SNTG2: variants seen among roughly 807,000 people sequenced by gnomAD.
The protein encoded by SNTG2 is gamma-2-syntrophin.
Under a neutral mutation model 70.9 loss-of-function variants are expected in SNTG2, and 74 were observed. The observed-to-expected ratio is 1.04, with a 90% CI of 0.86 to 1.27. The LOEUF is 1.27. Ranked by LOEUF, SNTG2 falls within the 50% of genes most tolerant of loss-of-function variation. The pLI is 0.00. For synonymous variants in SNTG2, 278 were observed against 273.8 expected (o/e 1.02, Z -0.15); for missense variants, 717 against 690.7 (o/e 1.04, Z -0.43).
chr2:1,048,964 G>A (rs1241390019), intron 1 of SNTG2, among the ~76,000 whole-genome samples: 1 of 152,016 alleles, frequency 6.6e-6, no homozygotes, highest in Non-Finnish European at 1.5e-5. Context: ...CATTCACATA[G>A]CCTTTTTATT....
intron 11 of SNTG2, among the ~76,000 whole-genome samples, chr2:1,241,771 C>A (rs141641756): frequency 4.6e-5 from 7 of 152,116 alleles, no homozygotes; most frequent in South Asian, 2.1e-4. Context: ...AGGCAGTGGG[C>A]GGCCTTGTTT....
intron 14 of SNTG2, among the ~76,000 whole-genome samples, chr2:1,280,668 A>T (rs1679473268): frequency 6.6e-6 from 1 of 152,220 alleles, no homozygotes; most frequent in South Asian, 2.1e-4. Flanking sequence ...ATTCGCTTAA[A>T]TCCTCTCTGT....
intron 4 of SNTG2, among the ~76,000 whole-genome samples, chr2:1,131,560 C>T (rs1162942452): frequency 6.6e-6 from 1 of 152,150 alleles, no homozygotes; most frequent in Non-Finnish European, 1.5e-5. Context: ...TGTAAAGTTT[C>T]AGAGAAAATG....
chr2:950,979 C>T lies in SNTG2; in HGVS notation c.-18C>T. On this transcript the variant is annotated 5_prime_UTR_variant, in exon 1 of 17. Coordinates refer to ENST00000308624, the MANE Select transcript of SNTG2 (RefSeq NM_018968.4). ...AGCTCGGCCGGCCCGGAGCGCGGACCCAGCCGCAGGGGCGGCGATGGGCAC... is the reference window on the plus strand; with the variant it reads ...AGCTCGGCCGGCCCGGAGCGCGGACTCAGCCGCAGGGGCGGCGATGGGCAC... 8.2e-7 allele frequency: 1 copy of T among 1,225,784 alleles called. No individual in the cohort carries two copies. The highest frequency in any genetic ancestry group is 1.0e-6 in the Non-Finnish European group (1 of 982,520). 75.9% of individuals were successfully genotyped at this position (1,225,784 alleles called of 1,614,324 possible).
At chr2:1,101,262 C>T (rs1268675891) in intron 4 of SNTG2, among the ~76,000 whole-genome samples, 2 of 151,934 alleles carry the variant, frequency 1.3e-5, no homozygotes, top group African/African-American at 2.4e-5. Context: ...TCCTCACCAC[C>T]CCTCCAGGCC....
At chr2:1,037,871 C>A (rs1419518456) in intron 1 of SNTG2, among the ~76,000 whole-genome samples, 2 of 152,122 alleles carry the variant, frequency 1.3e-5, no homozygotes, top group Non-Finnish European at 2.9e-5. Context: ...CGTCTTTAAG[C>A]TTGGCTGTTA....
At chr2:1,163,642 G>T (rs1670495698) in intron 6 of SNTG2, 1 of 152,408 alleles carries the variant, frequency 6.6e-6, no homozygotes, top group Non-Finnish European at 1.5e-5. Context: ...GGAGAAGAAA[G>T]GATGTTGAAA....
chr2:1,314,526 C>G (rs553146258), intron 15 of SNTG2, among the ~76,000 whole-genome samples: 7 of 152,302 alleles, frequency 4.6e-5, no homozygotes, highest in East Asian at 3.9e-4. Context: ...TCGGGCAGCT[C>G]CCTCACTGGG....
Position 1,272,603 on chromosome 2 carries a change from A to G in SNTG2, c.1284+5032A>G, listed in dbSNP as rs143987169. Among the ~76,000 whole-genome samples the G allele has an allele frequency of 5.2e-4, 78 of 150,416 alleles. 2 individuals carry two copies. The East Asian group carries it at 0.016, about 31-fold the overall frequency. On this transcript the variant is annotated intron_variant, in intron 14 of 16. Coordinates refer to ENST00000308624, the MANE Select transcript of SNTG2 (RefSeq NM_018968.4). ...GATATCCCAGGGAGCAGGTGTAGAA[A>G]GGACACCCCAGGGAACAGGTGTAGA...
At chr2:1,137,248 T>C (rs1668447107) in intron 4 of SNTG2, among the ~76,000 whole-genome samples, 1 of 151,142 alleles carries the variant, frequency 6.6e-6, no homozygotes, top group East Asian at 2.0e-4. Flanking sequence ...TGCTCAGACT[T>C]GCAAATACCC....
intron 6 of SNTG2, among the ~76,000 whole-genome samples, chr2:1,138,186 G>C (rs1668517600): frequency 6.6e-6 from 1 of 152,228 alleles, no homozygotes; most frequent in African/African-American, 2.4e-5. Context: ...TACCGCCCGG[G>C]CGCTGGAGCC....
At chr2:1,286,113 T>C (rs1679753892) in intron 14 of SNTG2, among the ~76,000 whole-genome samples, 1 of 152,168 alleles carries the variant, frequency 6.6e-6, no homozygotes, top group Non-Finnish European at 1.5e-5. Flanking sequence ...AATGGAATTG[T>C]CCTTGTGTTT....
At chr2:1,139,145 G>C (rs963034445) in intron 6 of SNTG2, among the ~76,000 whole-genome samples, 2 of 152,204 alleles carry the variant, frequency 1.3e-5, no homozygotes, top group African/African-American at 4.8e-5. Context: ...TTGATAGAGA[G>C]GCAAGACACA....
At chr2:1,120,504 T>C (rs1044498381) in intron 4 of SNTG2, among the ~76,000 whole-genome samples, 1 of 152,160 alleles carries the variant, frequency 6.6e-6, no homozygotes, top group Non-Finnish European at 1.5e-5. Context: ...ATACTGGCTA[T>C]AAGAGACCCG....
chr2:1,322,609 T>G (rs1191214281), intron 16 of SNTG2, among the ~76,000 whole-genome samples: 7 of 152,004 alleles, frequency 4.6e-5, no homozygotes, highest in Non-Finnish European at 1.0e-4. Context: ...ACCTCTCTCT[T>G]TGTCTCTGTC....
intron 8 of SNTG2, among the ~76,000 whole-genome samples, chr2:1,182,150 C>T (rs1041275451): frequency 1.3e-5 from 2 of 152,072 alleles, no homozygotes; most frequent in Non-Finnish European, 2.9e-5. Flanking sequence ...TGCCTTCACT[C>T]AGTGTTCTGG....
At chr2:1,250,377 C>G (rs759073921) in intron 12 of SNTG2, among the ~76,000 whole-genome samples, 2 of 152,306 alleles carry the variant, frequency 1.3e-5, no homozygotes, top group East Asian at 1.9e-4. Flanking sequence ...CTCCCTGTCT[C>G]TCTGTCTCTG....
intron 14 of SNTG2, among the ~76,000 whole-genome samples, chr2:1,278,083 A>G (rs1193279528): frequency 2.6e-5 from 4 of 152,246 alleles, no homozygotes; most frequent in Non-Finnish European, 4.4e-5. Flanking sequence ...AAATTTTCTT[A>G]TAACTGGGAC....
intron 14 of SNTG2, among the ~76,000 whole-genome samples, chr2:1,307,155 CTGTGTGTG>C (rs60717774): frequency 0.01 from 1,388 of 134,522 alleles, 24 homozygotes; most frequent in African/African-American, 0.036. Context: ...GAGCCATGTG[CTGTGTGTG>C]TGTGTGTGTG....
Sources: allele counts gnomAD v4.1 joint callset (sites outside exome capture counted in the v4.1 genomes callset), GRCh38; gene constraint gnomAD v4.1.1; transcripts MANE v1.5; gene names NCBI Gene and HGNC (gene_info 2026-07-23, HGNC 2026-07-21).